EYS: variants seen among roughly 807,000 people sequenced by gnomAD.
EYS encodes EGF-like photoreceptor maintenance factor, also known as protein eyes shut homolog.
In EYS, 250 loss-of-function variants were observed where a neutral mutation model predicts 282.1. That is an observed-to-expected ratio of 0.89 (90% CI 0.80 to 0.98). The LOEUF is 0.98. Among genes scored for constraint, EYS ranks in the 50% least tolerant of loss-of-function variants. EYS has a pLI of 0.00. For synonymous variants in EYS, 1,355 were observed against 1,282.9 expected, an observed-to-expected ratio of 1.06 and a Z score of -1.20; for missense variants, 4,016 against 3,709.0, an observed-to-expected ratio of 1.08 and a Z score of -2.15.
intron 12 of EYS, among the ~76,000 whole-genome samples, chr6:65,181,772 G>A (rs62115452): frequency 0.045 from 6,816 of 151,974 alleles, 413 homozygotes; most frequent in African/African-American, 0.14. Context: ...TGTTTATTGC[G>A]GCACTATTCA....
At chr6:64,088,422 GATC>G (rs945261541) in intron 31 of EYS, among the ~76,000 whole-genome samples, 10 of 151,788 alleles carry the variant, frequency 6.6e-5, no homozygotes, top group African/African-American at 2.4e-4. Context: ...TGTCTTAAAA[GATC>G]ATATAGACTT....
chr6:64,658,087 T>C (rs9363069), intron 22 of EYS, among the ~76,000 whole-genome samples: 97,606 of 151,914 alleles, frequency 0.64, 31,568 homozygotes, highest in African/African-American at 0.71. Flanking sequence ...CTTCTCTTCT[T>C]GCTTCATTTC....
chr6:65,296,142 A>G, intron 11 of EYS, 23 bp from the exon 12 acceptor site: 1 of 1,531,904 alleles, frequency 6.5e-7, no homozygotes, highest in South Asian at 1.3e-5. Flanking sequence ...GAAATGAAAA[A>G]CCCAATTAGT....
intron 35 of EYS, among the ~76,000 whole-genome samples, chr6:63,903,105 T>C (rs893979876): frequency 6.6e-6 from 1 of 152,226 alleles, no homozygotes; most frequent in Non-Finnish European, 1.5e-5. Context: ...CACAGTCATA[T>C]ATTTTTTGCC....
At chr6:65,577,494 A>T (rs375145098) in intron 2 of EYS, among the ~76,000 whole-genome samples, 3 of 151,854 alleles carry the variant, frequency 2.0e-5, no homozygotes, top group East Asian at 3.9e-4. Flanking sequence ...ACAGAGGAAA[A>T]GCTCCATGAC....
intron 31 of EYS, among the ~76,000 whole-genome samples, chr6:64,170,329 T>C (rs564256623): frequency 3.9e-4 from 60 of 152,302 alleles, no homozygotes; most frequent in African/African-American, 1.4e-3. Flanking sequence ...TTTAGATAAA[T>C]GTATTTGTTA....
At chr6:64,496,309 A>G (rs1446002461) in intron 26 of EYS, among the ~76,000 whole-genome samples, 3 of 151,960 alleles carry the variant, frequency 2.0e-5, no homozygotes, top group Non-Finnish European at 4.4e-5. Context: ...CAACTGGATT[A>G]TAGTTTAGTG....
At chr6:63,741,676 C>T (rs1402059053) in intron 41 of EYS, among the ~76,000 whole-genome samples, 2 of 152,142 alleles carry the variant, frequency 1.3e-5, no homozygotes, top group African/African-American at 4.8e-5. Context: ...CATTCTCATC[C>T]TTGATGGTAC....
chr6:64,095,372 T>C (rs1323890989), intron 31 of EYS, among the ~76,000 whole-genome samples: 1 of 152,150 alleles, frequency 6.6e-6, no homozygotes, highest in Non-Finnish European at 1.5e-5. Context: ...TCTCCCATTA[T>C]TATTGTGTGG....
chr6:65,570,291 A>G (rs9360138), intron 2 of EYS, among the ~76,000 whole-genome samples: 113,204 of 152,042 alleles, frequency 0.74, 42,846 homozygotes, highest in African/African-American at 0.88. Flanking sequence ...TCTTAAGAAT[A>G]GTAATGAATT....
intron 2 of EYS, among the ~76,000 whole-genome samples, chr6:65,609,351 T>C (rs76785556): frequency 1.6e-5 from 2 of 128,454 alleles, no homozygotes; most frequent in African/African-American, 5.9e-5. Context: ...AAAAAAAAAA[T>C]CTAATACTAA....
intron 29 of EYS, among the ~76,000 whole-genome samples, chr6:64,313,986 CATA>C (rs1241316876): frequency 3.3e-5 from 5 of 151,958 alleles, no homozygotes; most frequent in Admixed American, 1.3e-4. Context: ...CAGCAAGAAT[CATA>C]ATGACAGGAT....
At chr6:65,516,478 C>A (rs1214719534) in intron 2 of EYS, among the ~76,000 whole-genome samples, 1 of 151,970 alleles carries the variant, frequency 6.6e-6, no homozygotes, top group Non-Finnish European at 1.5e-5. Context: ...AGGATTAGGA[C>A]TGACAAGATA....
intron 33 of EYS, among the ~76,000 whole-genome samples, chr6:64,019,511 A>C (rs528997139): frequency 6.6e-6 from 1 of 151,978 alleles, no homozygotes; most frequent in South Asian, 2.1e-4. Context: ...CCTGGATTCA[A>C]GTGATTCTCC....
chr6:65,563,587 A>G (rs1329065025), intron 2 of EYS, among the ~76,000 whole-genome samples: 1 of 151,892 alleles, frequency 6.6e-6, no homozygotes, highest in East Asian at 1.9e-4. Context: ...TTTTTTATCT[A>G]AAGAAAACCC....
At chr6:65,322,137 C>T (rs1295647379) in intron 11 of EYS, among the ~76,000 whole-genome samples, 1 of 152,082 alleles carries the variant, frequency 6.6e-6, no homozygotes, top group Non-Finnish European at 1.5e-5. Flanking sequence ...AGATAATTTA[C>T]CCTGAAACTG....
chr6:64,221,315 G>A (rs1327460702), intron 31 of EYS, among the ~76,000 whole-genome samples: 1 of 151,920 alleles, frequency 6.6e-6, no homozygotes, highest in African/African-American at 2.4e-5. Flanking sequence ...CAAAGTGAAT[G>A]GATTTATGCC....
chr6:63,983,073 T>C (rs1767177140), intron 35 of EYS, among the ~76,000 whole-genome samples: 1 of 151,808 alleles, frequency 6.6e-6, no homozygotes, highest in Non-Finnish European at 1.5e-5. Flanking sequence ...AAAATACTTA[T>C]TGAGTAAAGC....
chr6:65,432,644 G>C (rs981394555), intron 5 of EYS, among the ~76,000 whole-genome samples: 5 of 152,062 alleles, frequency 3.3e-5, no homozygotes, highest in Admixed American at 3.3e-4. Flanking sequence ...AGACAATTTA[G>C]GTCCTTATAG....
Sources: allele counts gnomAD v4.1 joint callset (sites outside exome capture counted in the v4.1 genomes callset), GRCh38; gene constraint gnomAD v4.1.1; transcripts MANE v1.5; gene names NCBI Gene and HGNC (gene_info 2026-07-23, HGNC 2026-07-21).